The following CNTNAP2 variants were observed in gnomAD, a reference collection of about 807,000 sequenced individuals.
CNTNAP2 encodes the protein contactin-associated protein-like 2.
CNTNAP2 carries 98 observed loss-of-function variants against 155.2 expected under a neutral mutation model. The ratio of observed to expected loss-of-function variants is 0.63; its 90% CI spans 0.54 to 0.75. CNTNAP2 has a LOEUF of 0.75. CNTNAP2 is among the 30% of genes least tolerant of loss of function. The probability of loss-of-function intolerance (pLI) is 0.00; values close to 1 mark genes in which losing one functional copy is unlikely to be tolerated. For missense variants in CNTNAP2, 1,727 were observed against 1,688.1 expected (o/e 1.02, Z -0.40); for synonymous variants, 651 against 631.2 (o/e 1.03, Z -0.47).
intron 4 of CNTNAP2, among the ~76,000 whole-genome samples, chr7:147,069,477 C>T (rs1338742152): frequency 6.6e-6 from 1 of 152,206 alleles, no homozygotes; most frequent in Non-Finnish European, 1.5e-5. Context: ...AGAATTCTGT[C>T]TTCCACATAT....
intron 13 of CNTNAP2, among the ~76,000 whole-genome samples, chr7:147,853,332 C>T (rs375813971): frequency 4.9e-4 from 75 of 152,254 alleles, no homozygotes; most frequent in Middle Eastern, 3.4e-3. Context: ...AGAACTGTTA[C>T]GAAGGAAATG....
intron 10 of CNTNAP2, among the ~76,000 whole-genome samples, chr7:147,398,721 T>G (rs1007530938): frequency 6.9e-6 from 1 of 144,802 alleles, no homozygotes; most frequent in Non-Finnish European, 1.5e-5. Flanking sequence ...ATGCATTCAG[T>G]ATTTATTTTC....
intron 13 of CNTNAP2, among the ~76,000 whole-genome samples, chr7:147,790,241 A>G (rs1343259564): frequency 6.6e-6 from 1 of 151,962 alleles, no homozygotes; most frequent in Admixed American, 6.6e-5. Flanking sequence ...GCACCCCTCC[A>G]GCCCTGCTCA....
At chr7:147,530,740 T>G (rs1021142103) in intron 11 of CNTNAP2, among the ~76,000 whole-genome samples, 1 of 152,110 alleles carries the variant, frequency 6.6e-6, no homozygotes, top group Non-Finnish European at 1.5e-5. Flanking sequence ...CCAAATCTCA[T>G]GTCCTCACAT....
intron 21 of CNTNAP2, among the ~76,000 whole-genome samples, chr7:148,277,084 A>T (rs550285347): frequency 6.6e-6 from 1 of 151,644 alleles, no homozygotes; most frequent in Non-Finnish European, 1.5e-5. Context: ...TTCTTTCTAT[A>T]AGGTGGGGAC....
In CNTNAP2 at chr7:146,457,913, T is replaced by C. The variant is rs535621675; in HGVS notation, c.98-316358T>C. Among the ~76,000 whole-genome samples, 25 of 152,316 alleles carry C rather than the reference T, an allele frequency of 1.6e-4. No homozygotes were observed. In the South Asian group the frequency reaches 5.2e-3, roughly 32 times the overall value. ...TTTTAAAAAGCATTAATATATAATA[T>C]GATCATCACTCAACAATGAGTTACT... On this transcript the variant is annotated intron_variant, in intron 1 of 23. Coordinates refer to ENST00000361727, the MANE Select transcript of CNTNAP2 (RefSeq NM_014141.6).
intron 3 of CNTNAP2, among the ~76,000 whole-genome samples, chr7:146,928,515 G>A (rs1370953489): frequency 6.6e-6 from 1 of 152,210 alleles, no homozygotes; most frequent in Non-Finnish European, 1.5e-5. Context: ...CGACGCAGAA[G>A]ACGGGTGATT....
At chr7:147,972,432 C>T (rs1266715616) in intron 14 of CNTNAP2, among the ~76,000 whole-genome samples, 3 of 152,108 alleles carry the variant, frequency 2.0e-5, no homozygotes, top group Admixed American at 6.6e-5. Flanking sequence ...CTTCATTTTT[C>T]TACTTTTTCA....
At chr7:146,528,302 G>A (rs1192284167) in intron 1 of CNTNAP2, among the ~76,000 whole-genome samples, 1 of 152,160 alleles carries the variant, frequency 6.6e-6, no homozygotes, top group Non-Finnish European at 1.5e-5. Context: ...AGCCTGTTGG[G>A]TTCAATTCCT....
At chr7:147,401,608 C>T (rs939397595) in intron 10 of CNTNAP2, among the ~76,000 whole-genome samples, 2 of 152,080 alleles carry the variant, frequency 1.3e-5, no homozygotes, top group African/African-American at 2.4e-5. Context: ...GTATCCCCAC[C>T]CAAATCTCAA....
intron 1 of CNTNAP2, among the ~76,000 whole-genome samples, chr7:146,310,581 G>A (rs1187048890): frequency 1.3e-5 from 2 of 151,622 alleles, no homozygotes; most frequent in African/African-American, 4.8e-5. Context: ...GCATCCCCCT[G>A]TTGATGTACA....
chr7:148,322,538 G>A (rs1348231943), intron 21 of CNTNAP2, among the ~76,000 whole-genome samples: 2 of 152,134 alleles, frequency 1.3e-5, no homozygotes, highest in Non-Finnish European at 2.9e-5. Flanking sequence ...GGATGCTAAA[G>A]AAATAGCCCT....
intron 4 of CNTNAP2, among the ~76,000 whole-genome samples, chr7:147,071,559 C>T (rs1224312362): frequency 2.0e-5 from 3 of 152,160 alleles, no homozygotes; most frequent in Non-Finnish European, 4.4e-5. Context: ...TGCTCTCTGG[C>T]ACCTAATTAT....
intron 12 of CNTNAP2, among the ~76,000 whole-genome samples, chr7:147,566,146 A>G (rs1371092053): frequency 6.7e-6 from 1 of 149,240 alleles, no homozygotes. Context: ...AAAAACAAAA[A>G]CTAGCTGGGC....
chr7:147,313,985 T>C (rs924650226), intron 9 of CNTNAP2, among the ~76,000 whole-genome samples: 2 of 152,038 alleles, frequency 1.3e-5, no homozygotes, highest in African/African-American at 4.8e-5. Context: ...TCACGTCCCT[T>C]GTAAGTTGGA....
chr7:148,136,045 G>GA (rs1804941134), intron 16 of CNTNAP2, among the ~76,000 whole-genome samples: 2 of 80,472 alleles, frequency 2.5e-5, no homozygotes, highest in Admixed American at 1.2e-4. Context: ...GGGAGGGAGG[G>GA]AGGGGAAGGG....
intron 1 of CNTNAP2, among the ~76,000 whole-genome samples, chr7:146,770,391 G>A (rs1035692519): frequency 1.6e-4 from 24 of 150,752 alleles, no homozygotes; most frequent in Non-Finnish European, 3.5e-4. Context: ...ACAGCAAAAT[G>A]CAGTGTAAGA....
intron 1 of CNTNAP2, among the ~76,000 whole-genome samples, chr7:146,209,736 A>G (rs1799004685): frequency 6.6e-6 from 1 of 152,226 alleles, no homozygotes; most frequent in African/African-American, 2.4e-5. Context: ...AAATATAATT[A>G]TGTAATCAAT....
At chr7:146,934,077 C>T (rs1796851950) in intron 3 of CNTNAP2, among the ~76,000 whole-genome samples, 1 of 152,080 alleles carries the variant, frequency 6.6e-6, no homozygotes, top group Non-Finnish European at 1.5e-5. Flanking sequence ...TTGACCCAGC[C>T]ATCCTATTAC....
Sources: allele counts gnomAD v4.1 joint callset (sites outside exome capture counted in the v4.1 genomes callset), GRCh38; gene constraint gnomAD v4.1.1; transcripts MANE v1.5; gene names NCBI Gene and HGNC (gene_info 2026-07-23, HGNC 2026-07-21).